ADGRL3: variants seen among roughly 807,000 people sequenced by gnomAD.
ADGRL3 encodes calcium-independent alpha-latrotoxin receptor 3.
In ADGRL3, 62 loss-of-function variants were observed where a neutral mutation model predicts 153.5. That is an observed-to-expected ratio of 0.40 (90% CI 0.33 to 0.50). ADGRL3 has a LOEUF of 0.50. Among genes scored for constraint, ADGRL3 ranks in the 20% least tolerant of loss-of-function variants. The pLI is 0.47. For synonymous variants in ADGRL3, 710 were observed against 672.5 expected, an observed-to-expected ratio of 1.06 and a Z score of -0.86; for missense variants, 1,641 against 1,859.4, an observed-to-expected ratio of 0.88 and a Z score of 2.16.
At chr4:61,461,559 G>A (rs552375850) in intron 2 of ADGRL3, among the ~76,000 whole-genome samples, 3 of 151,658 alleles carry the variant, frequency 2.0e-5, no homozygotes, top group Admixed American at 1.3e-4. Flanking sequence ...ATTCTTATAC[G>A]CCAAAAATAT....
At position 61,740,402 on chromosome 4, in the gene ADGRL3, C is replaced by T. The variant is rs984262351; in HGVS notation, c.1399+6848C>T. 3.3e-5 allele frequency among the ~76,000 whole-genome samples: 5 copies of T among 152,128 alleles called. No homozygotes were observed. In the East Asian group the frequency reaches 9.6e-4, roughly 29 times the overall value. On this transcript the variant is annotated intron_variant, in intron 8 of 26. Coordinates refer to ENST00000683033, the MANE Select transcript of ADGRL3 (RefSeq NM_001387552.1). ...CTGGTGGGAGGGGGTCAGATAGTTG[C>T]ATCACTTACCTTTAGCTATGATTAG...
intron 4 of ADGRL3, among the ~76,000 whole-genome samples, chr4:61,553,565 T>A (rs556641543): frequency 6.6e-6 from 1 of 152,336 alleles, no homozygotes; most frequent in East Asian, 1.9e-4. Context: ...ATTTTTATTT[T>A]ACCCACATGC....
intron 21 of ADGRL3, among the ~76,000 whole-genome samples, chr4:61,999,997 T>G (rs1454810332): frequency 6.6e-6 from 1 of 152,180 alleles, no homozygotes; most frequent in East Asian, 1.9e-4. Context: ...CTTAGACTAT[T>G]TGTTCCTGAT....
intron 6 of ADGRL3, among the ~76,000 whole-genome samples, chr4:61,724,700 C>T (rs2096296127): frequency 6.6e-6 from 1 of 152,076 alleles, no homozygotes; most frequent in Admixed American, 6.6e-5. Flanking sequence ...ACTTTATTTA[C>T]TGAAAGTGAC....
intron 24 of ADGRL3, among the ~76,000 whole-genome samples, chr4:62,040,671 C>T (rs775361599): frequency 6.6e-6 from 1 of 152,078 alleles, no homozygotes; most frequent in African/African-American, 2.4e-5. Flanking sequence ...GGTTAAAAGA[C>T]ATATAACTTC....
intron 8 of ADGRL3, among the ~76,000 whole-genome samples, chr4:61,757,274 A>G (rs1005387841): frequency 2.7e-4 from 41 of 152,138 alleles, no homozygotes; most frequent in Non-Finnish European, 1.5e-4. Context: ...TTGGTAAGCT[A>G]TTAATTATTG....
At chr4:61,599,746 A>G (rs2099003336) in intron 5 of ADGRL3, among the ~76,000 whole-genome samples, 1 of 152,176 alleles carries the variant, frequency 6.6e-6, no homozygotes, top group Admixed American at 6.5e-5. Flanking sequence ...TTCTATGGCT[A>G]GCCTCCAGCA....
At chr4:61,401,076 TA>T (rs796155996) in intron 2 of ADGRL3, among the ~76,000 whole-genome samples, 76 of 138,382 alleles carry the variant, frequency 5.5e-4, no homozygotes, top group Admixed American at 1.1e-3. Flanking sequence ...TTTTTTTTTT[TA>T]AAAAAAAGAT....
intron 25 of ADGRL3, chr4:62,063,552 G>T: frequency 1.4e-6 from 1 of 699,008 alleles, no homozygotes; most frequent in Non-Finnish European, 2.6e-6. Context: ...TCGTCCGCAT[G>T]GTACTAACAA....
At chr4:61,728,502 T>C (rs1341841906) in intron 6 of ADGRL3, among the ~76,000 whole-genome samples, 2 of 152,110 alleles carry the variant, frequency 1.3e-5, no homozygotes, top group Non-Finnish European at 2.9e-5. Context: ...TAGCCTGTCT[T>C]CTCATTAAGT....
At chr4:61,373,349 A>T (rs867121234) in intron 1 of ADGRL3, among the ~76,000 whole-genome samples, 30 of 152,322 alleles carry the variant, frequency 2.0e-4, no homozygotes, top group African/African-American at 6.5e-4. Flanking sequence ...ATAAGCATAT[A>T]ATTTGAAATA....
intron 8 of ADGRL3, among the ~76,000 whole-genome samples, chr4:61,760,588 C>A (rs2343576): frequency 6.6e-6 from 1 of 152,028 alleles, no homozygotes; most frequent in Non-Finnish European, 1.5e-5. Context: ...AGGGAATTCC[C>A]TGACCCTTGC....
intron 17 of ADGRL3, among the ~76,000 whole-genome samples, chr4:61,972,673 A>T (rs1176254257): frequency 6.6e-6 from 1 of 152,128 alleles, no homozygotes; most frequent in Non-Finnish European, 1.5e-5. Context: ...ACTTTAAAGT[A>T]GTTTTTTCCA....
At chr4:61,746,539 C>A (rs995118435) in intron 8 of ADGRL3, among the ~76,000 whole-genome samples, 2 of 152,126 alleles carry the variant, frequency 1.3e-5, no homozygotes, top group African/African-American at 4.8e-5. Flanking sequence ...AACTAGAACT[C>A]AGGATTAAGA....
At chr4:61,288,171 C>G (rs893502119) in intron 1 of ADGRL3, among the ~76,000 whole-genome samples, 1 of 151,870 alleles carries the variant, frequency 6.6e-6, no homozygotes, top group African/African-American at 2.4e-5. Context: ...TCATGTTCCT[C>G]CCCTCACTAA....
Position 61,844,575 on chromosome 4 carries a change from A to AATATATATATATATATAT in ADGRL3, c.1480+30691_1480+30708dup. 8.8e-3 allele frequency among the ~76,000 whole-genome samples: 159 copies of AATATATATATATATATAT among 18,054 alleles called. 1 individual carries two copies. The highest frequency in any genetic ancestry group is 0.036 in the East Asian group (10 of 280). 11.8% of individuals were successfully genotyped at this position (18,054 alleles called of 152,430 possible). ...AAAAAAAAAAAAAAAAAAAAAAAAAAATATATATATATATATATATATTTA... is the reference window on the plus strand; with the variant it reads ...AAAAAAAAAAAAAAAAAAAAAAAAAAATATATATATATATATATATATATATATATATATATATATTTA... On this transcript the variant is annotated intron_variant, in intron 9 of 26. Transcript: ENST00000683033.
chr4:61,459,469 T>A (rs768323243), intron 2 of ADGRL3, among the ~76,000 whole-genome samples: 5 of 152,014 alleles, frequency 3.3e-5, no homozygotes, highest in African/African-American at 1.2e-4. Context: ...TAATGGACTC[T>A]AAGGTTGATT....
At chr4:61,647,283 C>T (rs1043802973) in intron 5 of ADGRL3, among the ~76,000 whole-genome samples, 5 of 152,086 alleles carry the variant, frequency 3.3e-5, no homozygotes, top group Non-Finnish European at 7.4e-5. Context: ...TTTTCCTATT[C>T]GGCCATCTTG....
chr4:61,417,981 C>A (rs576588400), intron 2 of ADGRL3, among the ~76,000 whole-genome samples: 1 of 152,178 alleles, frequency 6.6e-6, no homozygotes, highest in African/African-American at 2.4e-5. Context: ...GTCTAAATTG[C>A]TTAAATACTG....
Sources: allele counts gnomAD v4.1 joint callset (sites outside exome capture counted in the v4.1 genomes callset), GRCh38; gene constraint gnomAD v4.1.1; transcripts MANE v1.5; gene names NCBI Gene and HGNC (gene_info 2026-07-23, HGNC 2026-07-21).